Variants in FNDC3A observed in about 807,000 individuals in gnomAD.
FNDC3A encodes the protein fibronectin type-III domain-containing protein 3A.
A neutral mutation model predicts 148.9 loss-of-function variants in FNDC3A; 32 were observed. The observed-to-expected ratio is 0.21, with a 90% CI of 0.16 to 0.29. The LOEUF is 0.29. Ranked by LOEUF, FNDC3A falls within the 10% of genes least tolerant of loss-of-function variation. The probability of loss-of-function intolerance (pLI) is 1.00; values close to 1 mark genes in which losing one functional copy is unlikely to be tolerated. For synonymous variants in FNDC3A, 472 were observed against 473.6 expected (o/e 1.00, Z 0.04); for missense variants, 1,191 against 1,452.8 (o/e 0.82, Z 2.93).
chr13:49,148,538 T>C (rs1422117748), intron 8 of FNDC3A, among the ~76,000 whole-genome samples: 1 of 152,190 alleles, frequency 6.6e-6, no homozygotes, highest in African/African-American at 2.4e-5. Context: ...TATTTCTGGC[T>C]TCTCTATTGT....
At chr13:49,168,537 A>G (rs1482551490) in intron 9 of FNDC3A, 76 bp from the exon 10 acceptor site, 3 of 1,001,916 alleles carry the variant, frequency 3.0e-6, no homozygotes, top group Non-Finnish European at 4.3e-6. Context: ...CTAATCTGCA[A>G]GTACTTAAAG....
chr13:49,046,954 C>G (rs1354851799), intron 2 of FNDC3A, among the ~76,000 whole-genome samples: 1 of 152,040 alleles, frequency 6.6e-6, no homozygotes, highest in Non-Finnish European at 1.5e-5. Context: ...CACCCATCAT[C>G]CGAGCAGTGT....
chr13:49,175,088 T>A (rs565094366), intron 12 of FNDC3A, among the ~76,000 whole-genome samples: 2 of 152,304 alleles, frequency 1.3e-5, no homozygotes, highest in South Asian at 4.1e-4. Flanking sequence ...CGAGTGTTAT[T>A]GTTTCCATAA....
intron 1 of FNDC3A, among the ~76,000 whole-genome samples, chr13:48,994,751 T>C (rs1951992251): frequency 6.6e-6 from 1 of 151,010 alleles, no homozygotes; most frequent in Non-Finnish European, 1.5e-5. Context: ...CTCTCCAGCC[T>C]GGGTGACAGA....
chr13:49,174,257 T>C (rs983143777), intron 11 of FNDC3A, among the ~76,000 whole-genome samples, 178 bp from the exon 12 acceptor site: 2 of 152,192 alleles, frequency 1.3e-5, no homozygotes, highest in Non-Finnish European at 1.5e-5. Flanking sequence ...CTCTGGTGTT[T>C]TAATTCTGCA....
chr13:49,168,714 C>A lies in FNDC3A; in HGVS notation c.1139C>A (p.Ala380Asp), dbSNP rs1005303672. Reference protein sequence around the residue: ...EPDIPNPPRIANRTKNSLTLQ... With the variant: ...EPDIPNPPRIDNRTKNSLTLQ... ...GATATACCTAATCCACCAAGGATAG[C>A]CAATCGGACCAAAAATTCACTCACT... Residue 380 changes from alanine to aspartate, a missense_variant, in exon 10 of 26, where the codon GCC (alanine) becomes GAC (aspartate). This residue lies in a region of FNDC3A where 426 missense variants were observed against 473.2 expected (regional missense o/e 0.90). Coordinates refer to ENST00000492622, the MANE Select transcript of FNDC3A (RefSeq NM_001079673.2). 6.2e-7 allele frequency: 1 copy of A among 1,613,432 alleles called. No homozygotes were observed.
intron 8 of FNDC3A, among the ~76,000 whole-genome samples, chr13:49,154,405 TAAG>T (rs1883525187): frequency 6.8e-6 from 1 of 147,714 alleles, no homozygotes; most frequent in African/African-American, 2.5e-5. Flanking sequence ...CTTATCAGCT[TAAG>T]GAGATTTTGG....
chr13:49,108,214 A>G (rs1880323689), intron 3 of FNDC3A, among the ~76,000 whole-genome samples: 1 of 152,216 alleles, frequency 6.6e-6, no homozygotes, highest in South Asian at 2.1e-4. Flanking sequence ...TGGACATTAA[A>G]GTCATGCTGA....
intron 1 of FNDC3A, among the ~76,000 whole-genome samples, chr13:48,986,385 GTTTTT>G (rs869031197): frequency 1.8e-5 from 1 of 54,412 alleles, no homozygotes; most frequent in African/African-American, 7.8e-5. Context: ...GAAGGAAGTT[GTTTTT>G]TTTTTTTTTT....
At chr13:49,050,981 G>C (rs988720112) in intron 2 of FNDC3A, among the ~76,000 whole-genome samples, 1 of 152,008 alleles carries the variant, frequency 6.6e-6, no homozygotes, top group Admixed American at 6.6e-5. Flanking sequence ...CCTACTTTTG[G>C]TGTACATTTG....
At chr13:49,133,914 AATAG>A (rs755124241) in intron 5 of FNDC3A, among the ~76,000 whole-genome samples, 7 of 152,190 alleles carry the variant, frequency 4.6e-5, no homozygotes, top group African/African-American at 9.7e-5. Flanking sequence ...TATTTTGAAT[AATAG>A]ATAAAGCATT....
Position 49,137,341 on chromosome 13 carries a change from TTTTG to T in FNDC3A, c.760+756_760+759del, listed in dbSNP as rs747494922. On this transcript the variant is annotated intron_variant, in intron 6 of 25. Coordinates refer to ENST00000492622, the MANE Select transcript of FNDC3A (RefSeq NM_001079673.2). ...ACTCTATGAACTTTGTTTTATTGGT[TTTTG>T]TTTGTTTGTTTGTTTTTGAGACCAA... Among the ~76,000 whole-genome samples the T allele has an allele frequency of 7.9e-5, 12 of 152,146 alleles. No homozygotes were observed. The East Asian group carries it at 2.3e-3, about 29-fold the overall frequency.
intron 8 of FNDC3A, among the ~76,000 whole-genome samples, chr13:49,162,858 C>T (rs1299431132): frequency 6.6e-6 from 1 of 151,968 alleles, no homozygotes; most frequent in African/African-American, 2.4e-5. Context: ...TTCCTTCTAA[C>T]AGTCAGGTCC....
At chr13:49,112,936 T>C (rs757353859) in intron 3 of FNDC3A, among the ~76,000 whole-genome samples, 8 of 152,174 alleles carry the variant, frequency 5.3e-5, no homozygotes, top group Non-Finnish European at 1.0e-4. Context: ...AAAAGTTCTT[T>C]TCACAGCCAG....
Position 49,187,198 on chromosome 13 carries a change from T to C in FNDC3A, c.1825+8T>C. The C allele has an allele frequency of 6.4e-7, 1 of 1,568,326 alleles. No homozygotes were observed. Among genetic ancestry groups the C allele is most frequent in the Non-Finnish European group, 8.8e-7 (1 of 1,139,690 alleles). ...TGGCAGAAGGTTCTAACGGTATGAATGGATATTAAACACTGATAGATTTAT... is the reference window on the plus strand; with the variant it reads ...TGGCAGAAGGTTCTAACGGTATGAACGGATATTAAACACTGATAGATTTAT... On this transcript the variant is annotated splice_region_variant and intron_variant, in intron 16 of 25. Coordinates refer to ENST00000492622, the MANE Select transcript of FNDC3A (RefSeq NM_001079673.2).
intron 1 of FNDC3A, among the ~76,000 whole-genome samples, chr13:48,993,415 A>G (rs1218564513): frequency 6.6e-6 from 1 of 152,198 alleles, no homozygotes; most frequent in African/African-American, 2.4e-5. Flanking sequence ...GATACATACC[A>G]GGATTTGAAA....
intron 8 of FNDC3A, among the ~76,000 whole-genome samples, chr13:49,153,079 C>T (rs1285368493): frequency 6.6e-6 from 1 of 151,948 alleles, no homozygotes; most frequent in Non-Finnish European, 1.5e-5. Flanking sequence ...TTCTAGATCC[C>T]TGAGGAATCG....
Position 49,006,243 on chromosome 13 carries a change from T to C in FNDC3A, c.53T>C (p.Ile18Thr), listed in dbSNP as rs369023726. 4 of 1,610,278 alleles carry C rather than the reference T, an allele frequency of 2.5e-6. No homozygotes were observed. The highest frequency in any genetic ancestry group is 1.3e-5 in the African/African-American group (1 of 74,810). Residue 18 changes from isoleucine (I) to threonine (T), a missense_variant, in exon 2 of 26, where the codon ATT becomes ACT. By Grantham distance (89) the Ile-to-Thr change is moderately conservative. Transcript: ENST00000492622. ...ACAACTCAGATCTTAAGTAGTGATATTTCTCTTTTGTCTGCCCCTATTGTA... is the reference window on the plus strand; with the variant it reads ...ACAACTCAGATCTTAAGTAGTGATACTTCTCTTTTGTCTGCCCCTATTGTA... ...LDTTQILSSDISLLSAPIVSA... is the reference protein window; with the variant it reads ...LDTTQILSSDTSLLSAPIVSA...
chr13:49,133,705 T>A (rs1226895555), intron 5 of FNDC3A, among the ~76,000 whole-genome samples: 1 of 152,226 alleles, frequency 6.6e-6, no homozygotes, highest in Non-Finnish European at 1.5e-5. Context: ...CTCACACATG[T>A]ATTATCTCAC....
Sources: allele counts gnomAD v4.1 joint callset (sites outside exome capture counted in the v4.1 genomes callset), GRCh38; gene constraint gnomAD v4.1.1; regional missense constraint gnomAD v4.1.1; transcripts MANE v1.5; gene names NCBI Gene and HGNC (gene_info 2026-07-23, HGNC 2026-07-21).